Variants in WWOX observed in about 807,000 individuals in gnomAD.
WWOX encodes WW domain containing oxidoreductase.
In WWOX, 69 loss-of-function variants were observed where a neutral mutation model predicts 46.2. The observed-to-expected ratio is 1.49, with a 90% CI of 1.23 to 1.82. WWOX has a LOEUF of 1.82. WWOX is among the 40% of genes most tolerant of loss of function. WWOX has a pLI of 0.00. For synonymous variants in WWOX, 359 were observed against 202.6 expected (o/e 1.77, Z -6.56); for missense variants, 919 against 542.6 (o/e 1.69, Z -6.89).
chr16:79,121,829 C>G (rs1461630941), intron 8 of WWOX, among the ~76,000 whole-genome samples: 2 of 152,042 alleles, frequency 1.3e-5, no homozygotes, highest in African/African-American at 4.8e-5. Flanking sequence ...ATAAATAAAC[C>G]AAACATTGGG....
In WWOX at chr16:78,202,084, T is replaced by TC. The variant is rs532318476; in HGVS notation, c.516+37797dup. Among the ~76,000 whole-genome samples, 1,111 of 152,302 alleles carry TC rather than the reference T, an allele frequency of 7.3e-3. 12 individuals carry two copies. Among genetic ancestry groups the TC allele is most frequent in the African/African-American group, 0.025 (1,025 of 41,562 alleles). ...CTTTCCCAAACTTTTACTAGCTTCT[T>TC]CCATCCTGGACTTGCAATCTGGCTG... is the stretch of plus-strand genomic sequence containing the variant. On this transcript the variant is annotated intron_variant, in intron 5 of 8. Coordinates refer to ENST00000566780, the MANE Select transcript of WWOX (RefSeq NM_016373.4).
At chr16:78,875,495 A>C (rs2044217281) in intron 8 of WWOX, among the ~76,000 whole-genome samples, 1 of 152,220 alleles carries the variant, frequency 6.6e-6, no homozygotes, top group South Asian at 2.1e-4. Context: ...CATTAAGTGG[A>C]GGACAGTGTT....
intron 5 of WWOX, among the ~76,000 whole-genome samples, chr16:78,307,101 G>C (rs1367541843): frequency 6.6e-6 from 1 of 152,146 alleles, no homozygotes; most frequent in African/African-American, 2.4e-5. Context: ...TTTTCACTGG[G>C]ATTTCTACAC....
intron 8 of WWOX, among the ~76,000 whole-genome samples, chr16:79,127,604 G>A (rs1295241900): frequency 6.6e-6 from 1 of 152,198 alleles, no homozygotes; most frequent in Non-Finnish European, 1.5e-5. Context: ...CCACGTGCAT[G>A]CATGTATTTG....
chr16:78,984,263 A>G (rs1035945573), intron 8 of WWOX, among the ~76,000 whole-genome samples: 4 of 152,154 alleles, frequency 2.6e-5, no homozygotes, highest in African/African-American at 2.4e-5. Flanking sequence ...CAAGACTGCT[A>G]TATGGCAGAG....
intron 5 of WWOX, among the ~76,000 whole-genome samples, chr16:78,279,390 CTCTA>C (rs1193111701): frequency 2.0e-5 from 3 of 152,044 alleles, no homozygotes; most frequent in Admixed American, 6.6e-5. Context: ...CTACTTTTGT[CTCTA>C]TCTTTCATGG....
At chr16:79,129,668 C>G (rs1041934386) in intron 8 of WWOX, among the ~76,000 whole-genome samples, 11 of 152,090 alleles carry the variant, frequency 7.2e-5, no homozygotes, top group African/African-American at 2.4e-4. Context: ...TCCCAACATT[C>G]CTTTATGGAC....
In WWOX at chr16:78,631,096, A is replaced by G. The variant is rs183642855; in HGVS notation, c.1056+198344A>G. Among the ~76,000 whole-genome samples the G allele has an allele frequency of 3.3e-5, 5 of 152,310 alleles. No individual in the cohort carries two copies. In the East Asian group the frequency reaches 7.7e-4, roughly 24 times the overall value. The stretch of plus-strand genomic sequence containing the variant: ...GATTTAAAGTGTACAGGAGCATCAC[A>G]TACATTATATGCAAATACTATACAA... On this transcript the variant is annotated intron_variant, in intron 8 of 8. Transcript: ENST00000566780.
intron 8 of WWOX, among the ~76,000 whole-genome samples, chr16:79,126,376 AGGAGGGACCAGGT>A (rs1423905561): frequency 6.6e-6 from 1 of 152,174 alleles, no homozygotes; most frequent in African/African-American, 2.4e-5. Flanking sequence ...CACGTGTCAA[AGGAGGGACCAGGT>A]GGAGGTAATT....
At chr16:79,117,634 TTTGTC>T (rs2049543423) in intron 8 of WWOX, among the ~76,000 whole-genome samples, 1 of 152,228 alleles carries the variant, frequency 6.6e-6, no homozygotes, top group African/African-American at 2.4e-5. Flanking sequence ...AGAAAGCTGT[TTTGTC>T]TACATTGAAA....
intron 8 of WWOX, among the ~76,000 whole-genome samples, chr16:78,449,638 G>C (rs554839076): frequency 6.6e-6 from 1 of 152,264 alleles, no homozygotes; most frequent in East Asian, 1.9e-4. Context: ...TCTGGACTGA[G>C]AGAGGCACCA....
At chr16:79,206,734 T>C (rs934392024) in intron 8 of WWOX, 4 of 152,184 alleles carry the variant, frequency 2.6e-5, no homozygotes, top group East Asian at 1.9e-4. Flanking sequence ...TTATTCCAAA[T>C]TGAATTGTAT....
intron 8 of WWOX, among the ~76,000 whole-genome samples, chr16:78,810,971 T>C (rs898511372): frequency 6.6e-6 from 1 of 152,132 alleles, no homozygotes; most frequent in Non-Finnish European, 1.5e-5. Flanking sequence ...CAGAAGCATA[T>C]TTGGTGAACC....
intron 8 of WWOX, among the ~76,000 whole-genome samples, chr16:78,979,339 G>C (rs1436515824): frequency 6.6e-6 from 1 of 152,074 alleles, no homozygotes; most frequent in South Asian, 2.1e-4. Flanking sequence ...ATATTAGTTA[G>C]GCATTGGTTT....
intron 8 of WWOX, among the ~76,000 whole-genome samples, chr16:78,437,254 C>T (rs542200392): frequency 2.3e-4 from 35 of 152,294 alleles, no homozygotes; most frequent in African/African-American, 2.6e-4. Context: ...GCTGTGACTA[C>T]GGTGATTTTA....
rs143245247 is a variant in WWOX at position 78,242,731 on chromosome 16, G to A, written c.516+78442G>A. Among the ~76,000 whole-genome samples, 914 of 152,274 alleles carry A rather than the reference G, an allele frequency of 6.0e-3. 9 individuals carry two copies. Among genetic ancestry groups the A allele is most frequent in the African/African-American group, 0.021 (875 of 41,568 alleles). On this transcript the variant is annotated intron_variant, in intron 5 of 8. Transcript: ENST00000566780. ...GAATAAGAGATATGAAAGCCAGCCG[G>A]GCACAGTGGCTCACGCCTGTAATCC...
chr16:79,039,934 A>G (rs1436201471), intron 8 of WWOX, among the ~76,000 whole-genome samples: 1 of 152,164 alleles, frequency 6.6e-6, no homozygotes, highest in Non-Finnish European at 1.5e-5. Context: ...TCTCTTGAGT[A>G]CATCTGGAGG....
chr16:78,875,860 C>G (rs567237839), intron 8 of WWOX, among the ~76,000 whole-genome samples: 14 of 152,306 alleles, frequency 9.2e-5, no homozygotes, highest in African/African-American at 3.1e-4. Context: ...AAGAATGTTT[C>G]TTCCACACTT....
intron 8 of WWOX, among the ~76,000 whole-genome samples, chr16:78,971,564 T>G (rs1228354357): frequency 6.6e-6 from 1 of 150,664 alleles, no homozygotes; most frequent in Non-Finnish European, 1.5e-5. Context: ...CCCTGACGGG[T>G]CAAATGGAGC....
Sources: gnomAD v4.1 joint callset for allele counts (sites outside exome capture counted in the v4.1 genomes callset) on GRCh38, gnomAD v4.1.1 for gene constraint, MANE v1.5 for transcripts, NCBI Gene and HGNC (gene_info 2026-07-23, HGNC 2026-07-21) for gene names.